The following LIN52 variants were observed in gnomAD, a reference collection of about 807,000 sequenced individuals.
LIN52 encodes the protein protein lin-52 homolog.
Under a neutral mutation model 18.5 loss-of-function variants are expected in LIN52, and 4 were observed. The ratio of observed to expected loss-of-function variants is 0.22; its 90% CI spans 0.11 to 0.49. The LOEUF is 0.49. Among genes scored for constraint, LIN52 ranks in the 20% least tolerant of loss-of-function variants. LIN52 has a pLI of 0.97. For synonymous variants in LIN52, 34 were observed against 45.5 expected (o/e 0.75, Z 1.02); for missense variants, 102 against 139.5 (o/e 0.73, Z 1.35).
Position 74,179,670 on chromosome 14 carries a change from GA to G in LIN52, c.284-19244del, listed in dbSNP as rs942272700. On this transcript the variant is annotated intron_variant, in intron 5 of 5. Transcript: ENST00000555028. ...GACTCCATCTCAAAAAAAAAAAAAA[GA>G]AAAAAAAGAAAAAAAAATCTAATTC... 4.0e-4 allele frequency among the ~76,000 whole-genome samples: 31 copies of G among 76,896 alleles called. 1 individual carries two copies. Among genetic ancestry groups the G allele is most frequent in the African/African-American group, 8.4e-4 (21 of 24,932 alleles). 50.4% of individuals were successfully genotyped at this position (76,896 alleles called of 152,430 possible).
chr14:74,164,979 A>G (rs764400509), intron 5 of LIN52, among the ~76,000 whole-genome samples: 7 of 152,230 alleles, frequency 4.6e-5, no homozygotes, highest in Non-Finnish European at 7.3e-5. Flanking sequence ...ATGATTTACC[A>G]CGTTTCAATA....
intron 5 of LIN52, among the ~76,000 whole-genome samples, chr14:74,198,263 T>G (rs1268275730): frequency 2.6e-5 from 4 of 152,190 alleles, no homozygotes; most frequent in Admixed American, 6.5e-5. Flanking sequence ...AACCCACTTG[T>G]AACTATAGCA....
intron 5 of LIN52, among the ~76,000 whole-genome samples, chr14:74,182,832 C>T (rs186457923): frequency 3.3e-5 from 5 of 152,196 alleles, no homozygotes; most frequent in Non-Finnish European, 7.4e-5. Flanking sequence ...TTAAGCCGGG[C>T]AGTTTCCCTC....
chr14:74,103,409 A>G (rs2060872994), intron 5 of LIN52, among the ~76,000 whole-genome samples: 1 of 148,656 alleles, frequency 6.7e-6, no homozygotes, highest in Non-Finnish European at 1.5e-5. Context: ...CTTCAGGAAC[A>G]GTGGCACAAA....
intron 5 of LIN52, among the ~76,000 whole-genome samples, chr14:74,167,535 G>C (rs1158723575): frequency 6.6e-6 from 1 of 152,070 alleles, no homozygotes; most frequent in Non-Finnish European, 1.5e-5. Flanking sequence ...CAAAGTGTTG[G>C]GATTACAGGT....
At chr14:74,125,450 T>A (rs1186508561) in intron 5 of LIN52, among the ~76,000 whole-genome samples, 2 of 152,182 alleles carry the variant, frequency 1.3e-5, no homozygotes, top group African/African-American at 4.8e-5. Flanking sequence ...TTCGCCCACT[T>A]TTTGATGGGG....
At chr14:74,117,305 T>A (rs545284086) in intron 5 of LIN52, among the ~76,000 whole-genome samples, 1 of 152,254 alleles carries the variant, frequency 6.6e-6, no homozygotes, top group East Asian at 1.9e-4. Context: ...CTTAAGCAAA[T>A]GTTGGCCAAG....
At chr14:74,153,198 A>C (rs1200335847) in intron 5 of LIN52, among the ~76,000 whole-genome samples, 1 of 152,160 alleles carries the variant, frequency 6.6e-6, no homozygotes, top group African/African-American at 2.4e-5. Flanking sequence ...AGATTCAGAC[A>C]AGGAGAGGAA....
intron 5 of LIN52, among the ~76,000 whole-genome samples, chr14:74,152,030 G>T (rs1000356458): frequency 2.0e-5 from 3 of 152,146 alleles, no homozygotes; most frequent in African/African-American, 7.2e-5. Flanking sequence ...GCTGAGGTGG[G>T]CGAATCACTT....
chr14:74,112,303 TG>T (rs1273351593), intron 5 of LIN52, among the ~76,000 whole-genome samples: 2 of 151,904 alleles, frequency 1.3e-5, no homozygotes, highest in East Asian at 1.9e-4. Context: ...CTTGTTTGTT[TG>T]TTTTTTTTTA....
intron 5 of LIN52, among the ~76,000 whole-genome samples, chr14:74,157,635 A>G (rs1309270537): frequency 6.6e-5 from 10 of 150,746 alleles, no homozygotes; most frequent in Admixed American, 2.0e-4. Context: ...TCATTTTTTG[A>G]TATTTTTTTT....
chr14:74,183,158 C>T (rs946716248), intron 5 of LIN52, among the ~76,000 whole-genome samples: 17 of 150,658 alleles, frequency 1.1e-4, no homozygotes, highest in Admixed American at 8.6e-4. Context: ...AGTGCAGTGA[C>T]GCGATCTCAG....
At chr14:74,166,458 G>C (rs562361900) in intron 5 of LIN52, among the ~76,000 whole-genome samples, 1 of 151,042 alleles carries the variant, frequency 6.6e-6, no homozygotes, top group Non-Finnish European at 1.5e-5. Context: ...CAGGTGATCC[G>C]CCCACTTGCC....
intron 5 of LIN52, among the ~76,000 whole-genome samples, chr14:74,133,037 T>C (rs1674334006): frequency 6.6e-6 from 1 of 152,162 alleles, no homozygotes; most frequent in Non-Finnish European, 1.5e-5. Context: ...AACCCATTTC[T>C]TGACAGGGCT....
At position 74,116,386 on chromosome 14, in the gene LIN52, C is replaced by G. The variant is rs183428444; in HGVS notation, c.283+15148C>G. Among the ~76,000 whole-genome samples, 192 of 152,182 alleles carry G rather than the reference C, an allele frequency of 1.3e-3. 1 individual carries two copies. The highest frequency in any genetic ancestry group is 2.3e-3 in the Admixed American group (35 of 15,278). ...CAGGTGAATTATAGTGTTACCCATA[C>G]AGTAGAATACAATGTGGTCATTAAA... On this transcript the variant is annotated intron_variant, in intron 5 of 5. Transcript: ENST00000555028.
chr14:74,121,740 T>G (rs2061000932), intron 5 of LIN52, among the ~76,000 whole-genome samples: 1 of 151,062 alleles, frequency 6.6e-6, no homozygotes, highest in African/African-American at 2.4e-5. Flanking sequence ...TTTTTTTTTT[T>G]TAAGACGGAG....
intron 5 of LIN52, among the ~76,000 whole-genome samples, chr14:74,158,109 A>G (rs2061207494): frequency 2.0e-5 from 1 of 50,492 alleles, no homozygotes; most frequent in African/African-American, 6.8e-5. Context: ...TCACTGCTAT[A>G]TATATATATA....
At chr14:74,114,480 G>A (rs1274285878) in intron 5 of LIN52, 8 of 954,156 alleles carry the variant, frequency 8.4e-6, no homozygotes, top group Non-Finnish European at 1.0e-5. Context: ...GAATTTTTAG[G>A]AGTAGGTAAA....
intron 5 of LIN52, among the ~76,000 whole-genome samples, chr14:74,142,229 C>T (rs2061134537): frequency 6.6e-6 from 1 of 152,144 alleles, no homozygotes; most frequent in Non-Finnish European, 1.5e-5. Context: ...TAGTCCCATT[C>T]TCAACACTTC....
Sources: allele counts gnomAD v4.1 joint callset (sites outside exome capture counted in the v4.1 genomes callset), GRCh38; gene constraint gnomAD v4.1.1; transcripts MANE v1.5; gene names NCBI Gene and HGNC (gene_info 2026-07-23, HGNC 2026-07-21).